SPOCK3: variants seen among roughly 807,000 people sequenced by gnomAD.
The protein encoded by SPOCK3 is SPARC (osteonectin), cwcv and kazal like domains proteoglycan 3.
SPOCK3 carries 30 observed loss-of-function variants against 56.6 expected under a neutral mutation model. The observed-to-expected ratio is 0.53, with a 90% confidence interval of 0.40 to 0.72. SPOCK3 has a LOEUF of 0.72. Ranked by LOEUF, SPOCK3 falls within the 30% of genes least tolerant of loss-of-function variation. The probability of loss-of-function intolerance (pLI) is 0.00; values close to 1 mark genes in which losing one functional copy is unlikely to be tolerated. For missense variants in SPOCK3, 527 were observed against 530.0 expected (o/e 0.99, Z 0.06); for synonymous variants, 196 against 183.3 (o/e 1.07, Z -0.56).
intron 4 of SPOCK3, among the ~76,000 whole-genome samples, chr4:166,981,712 G>A (rs879868240): frequency 8.5e-5 from 13 of 152,138 alleles, no homozygotes; most frequent in Admixed American, 7.2e-4. Flanking sequence ...CTTGAAAGAC[G>A]GGTTTCACCA....
chr4:167,218,690 A>C (rs1221362661), intron 2 of SPOCK3, among the ~76,000 whole-genome samples: 1 of 152,166 alleles, frequency 6.6e-6, no homozygotes, highest in Non-Finnish European at 1.5e-5. Flanking sequence ...ATCTGAATTA[A>C]ACATGTCATT....
At chr4:167,102,705 C>T (rs188225466) in intron 2 of SPOCK3, 7 of 152,180 alleles carry the variant, frequency 4.6e-5, no homozygotes, top group Admixed American at 2.6e-4. Flanking sequence ...TAAACCACTC[C>T]TAGCTAGAGG....
At chr4:167,026,753 TG>T (rs1173657521) in intron 3 of SPOCK3, among the ~76,000 whole-genome samples, 1 of 152,016 alleles carries the variant, frequency 6.6e-6, no homozygotes, top group East Asian at 1.9e-4. Flanking sequence ...TAATTCATCC[TG>T]TATGTTAAAT....
intron 3 of SPOCK3, among the ~76,000 whole-genome samples, chr4:167,035,336 T>C (rs1282341735): frequency 6.6e-6 from 1 of 152,058 alleles, no homozygotes. Context: ...TGATCCCATA[T>C]TTAGAGTGAA....
chr4:166,929,611 C>T (rs183573913), intron 4 of SPOCK3, among the ~76,000 whole-genome samples: 26 of 152,230 alleles, frequency 1.7e-4, no homozygotes, highest in Middle Eastern at 6.8e-3. Flanking sequence ...CATTTTTATG[C>T]AGATTCTTCA....
chr4:166,842,730 A>C (rs1159804677), intron 6 of SPOCK3, among the ~76,000 whole-genome samples: 1 of 152,188 alleles, frequency 6.6e-6, no homozygotes, highest in Non-Finnish European at 1.5e-5. Context: ...GCTAGACATA[A>C]AAGTTCTTCA....
At chr4:167,141,677 C>T (rs1763541462) in intron 2 of SPOCK3, among the ~76,000 whole-genome samples, 1 of 151,750 alleles carries the variant, frequency 6.6e-6, no homozygotes, top group Admixed American at 6.6e-5. Flanking sequence ...AAAAAGATAG[C>T]AATGGAAAAT....
chr4:167,161,583 A>C (rs1466202761), intron 2 of SPOCK3, among the ~76,000 whole-genome samples: 1 of 152,196 alleles, frequency 6.6e-6, no homozygotes, highest in Non-Finnish European at 1.5e-5. Context: ...ATAAAGGCAC[A>C]CGCTCACGTA....
chr4:167,019,607 G>C (rs573367706), intron 3 of SPOCK3, among the ~76,000 whole-genome samples: 1 of 151,520 alleles, frequency 6.6e-6, no homozygotes, highest in Admixed American at 6.6e-5. Context: ...TTTTTATCCC[G>C]AATTCTTAAA....
chr4:166,978,874 CAGA>C (rs1466974077), intron 4 of SPOCK3, among the ~76,000 whole-genome samples: 1 of 152,010 alleles, frequency 6.6e-6, no homozygotes, highest in Non-Finnish European at 1.5e-5. Context: ...TAGAAATGTT[CAGA>C]AGACATCAAA....
intron 2 of SPOCK3, among the ~76,000 whole-genome samples, chr4:167,133,772 A>C (rs1762878294): frequency 1.3e-5 from 2 of 152,158 alleles, no homozygotes; most frequent in African/African-American, 4.8e-5. Context: ...ACAGCATTTC[A>C]TGGGACATTC....
At chr4:167,114,326 T>C (rs991683861) in intron 2 of SPOCK3, among the ~76,000 whole-genome samples, 2 of 152,086 alleles carry the variant, frequency 1.3e-5, no homozygotes, top group African/African-American at 4.8e-5. Flanking sequence ...TACCTTTTTC[T>C]AAGTTGAGAA....
intron 6 of SPOCK3, among the ~76,000 whole-genome samples, chr4:166,803,931 T>C (rs1441955648): frequency 6.6e-6 from 1 of 152,166 alleles, no homozygotes; most frequent in Admixed American, 6.5e-5. Flanking sequence ...AGGCCTTCTC[T>C]AACTTTAATA....
intron 2 of SPOCK3, among the ~76,000 whole-genome samples, chr4:167,156,349 C>G (rs776484044): frequency 1.2e-4 from 18 of 152,148 alleles, no homozygotes; most frequent in Non-Finnish European, 1.5e-4. Flanking sequence ...CGCAGGGATG[C>G]AGTAACTTAG....
chr4:166,752,527 C>T (rs1237128877), intron 8 of SPOCK3, among the ~76,000 whole-genome samples: 3 of 144,150 alleles, frequency 2.1e-5, no homozygotes, highest in African/African-American at 5.1e-5. Context: ...TATATAGCAG[C>T]TATATATAGA....
At chr4:166,958,762 T>G (rs1482917805) in intron 4 of SPOCK3, among the ~76,000 whole-genome samples, 1 of 152,192 alleles carries the variant, frequency 6.6e-6, no homozygotes, top group East Asian at 1.9e-4. Context: ...CTATTGTCTG[T>G]CTCCTTCTAC....
Position 167,221,205 on chromosome 4 carries a change from T to TAA in SPOCK3, c.189+12778_189+12779dup, listed in dbSNP as rs35978868. Among the ~76,000 whole-genome samples the TAA allele has an allele frequency of 1.5e-3, 215 of 144,134 alleles. 1 individual carries two copies. Among genetic ancestry groups the TAA allele is most frequent in the Non-Finnish European group, 2.3e-3 (153 of 65,478 alleles). 94.6% of individuals were successfully genotyped at this position (144,134 alleles called of 152,430 possible). On this transcript the variant is annotated intron_variant, in intron 2 of 10. Coordinates refer to ENST00000357545, the MANE Select transcript of SPOCK3 (RefSeq NM_001040159.2). ...TGAAACCCCAGTCTCTACAAAAAAT[T>TAA]AAAAAAAAAAAAATTAGCCACACAT...
chr4:166,753,303 A>G (rs1736662001), intron 8 of SPOCK3, among the ~76,000 whole-genome samples: 1 of 152,072 alleles, frequency 6.6e-6, no homozygotes, highest in Middle Eastern at 3.2e-3. Flanking sequence ...TATTATTTAA[A>G]TTATTTAAAT....
chr4:166,776,648 C>A (rs1739580256), intron 7 of SPOCK3, among the ~76,000 whole-genome samples: 1 of 151,998 alleles, frequency 6.6e-6, no homozygotes, highest in Admixed American at 6.6e-5. Flanking sequence ...TACAGCTTAA[C>A]AAAGGGATCT....
Sources: gnomAD v4.1 joint callset for allele counts (sites outside exome capture counted in the v4.1 genomes callset) on GRCh38, gnomAD v4.1.1 for gene constraint, MANE v1.5 for transcripts, NCBI Gene and HGNC (gene_info 2026-07-23, HGNC 2026-07-21) for gene names.